The following NOS1AP variants were observed in gnomAD, a reference collection of about 807,000 sequenced individuals.
The protein encoded by NOS1AP is nitric oxide synthase 1 adaptor protein.
A neutral mutation model predicts 56.2 loss-of-function variants in NOS1AP; 21 were observed. That is an observed-to-expected ratio of 0.37 (90% CI 0.26 to 0.54). NOS1AP has a LOEUF of 0.54. Ranked by LOEUF, NOS1AP falls within the 20% of genes least tolerant of loss-of-function variation. NOS1AP has a pLI of 0.84. For missense variants in NOS1AP, 522 were observed against 657.8 expected (o/e 0.79, Z 2.26); for synonymous variants, 270 against 274.6 (o/e 0.98, Z 0.17).
chr1:162,349,599 A>G (rs1295610987), intron 6 of NOS1AP, among the ~76,000 whole-genome samples: 1 of 152,196 alleles, frequency 6.6e-6, no homozygotes, highest in Admixed American at 6.5e-5. Context: ...TTGTGAGAGA[A>G]TGTATGTAAA....
chr1:162,342,435 G>T (rs1657137982), intron 5 of NOS1AP: 3 of 444,720 alleles, frequency 6.7e-6, no homozygotes. Flanking sequence ...AAGGAACATA[G>T]AAATGACTCC....
chr1:162,138,962 C>A (rs568294194), intron 1 of NOS1AP, among the ~76,000 whole-genome samples: 1 of 152,272 alleles, frequency 6.6e-6, no homozygotes, highest in South Asian at 2.1e-4. Context: ...GGTTGGTCAA[C>A]CTAACTATAC....
chr1:162,238,338 A>C (rs1653373259), intron 2 of NOS1AP, among the ~76,000 whole-genome samples: 1 of 152,118 alleles, frequency 6.6e-6, no homozygotes, highest in Non-Finnish European at 1.5e-5. Context: ...ATTAAGCATC[A>C]GCCCTGGTTG....
At position 162,094,830 on chromosome 1, in the gene NOS1AP, G is replaced by A. The variant is rs190533196; in HGVS notation, c.105+24548G>A. On this transcript the variant is annotated intron_variant, in intron 1 of 9. Transcript: ENST00000361897. ...AGTTGTTGAAGAGTGGGTGAGGGTG[G>A]AAACCAGGTATCGCTGTCCATTCCA... Among the ~76,000 whole-genome samples, 233 of 152,272 alleles carry A rather than the reference G, an allele frequency of 1.5e-3. 1 individual carries two copies. Among genetic ancestry groups the A allele is most frequent in the Non-Finnish European group, 2.5e-3 (173 of 68,004 alleles).
intron 1 of NOS1AP, among the ~76,000 whole-genome samples, chr1:162,137,306 C>T (rs183860226): frequency 6.6e-6 from 1 of 152,324 alleles, no homozygotes; most frequent in Non-Finnish European, 1.5e-5. Flanking sequence ...ACTCCTGCCA[C>T]CCTGTGAGCC....
intron 3 of NOS1AP, 134 bp downstream of exon 3, chr1:162,287,570 A>G (rs1426051216): frequency 1.4e-5 from 10 of 734,230 alleles, no homozygotes; most frequent in Non-Finnish European, 2.0e-5. Flanking sequence ...TTTGAGCAGC[A>G]ATGGTGCTGA....
chr1:162,189,175 C>T (rs983888461), intron 2 of NOS1AP, among the ~76,000 whole-genome samples: 1 of 152,148 alleles, frequency 6.6e-6, no homozygotes, highest in Non-Finnish European at 1.5e-5. Flanking sequence ...TTTTACCTTA[C>T]AATAGGAGGT....
At chr1:162,215,349 G>A (rs1652534179) in intron 2 of NOS1AP, among the ~76,000 whole-genome samples, 1 of 152,208 alleles carries the variant, frequency 6.6e-6, no homozygotes, top group Admixed American at 6.5e-5. Context: ...TTGCTGGGTG[G>A]GCCACACTGG....
At chr1:162,175,955 T>C (rs1457511536) in intron 2 of NOS1AP, among the ~76,000 whole-genome samples, 2 of 152,166 alleles carry the variant, frequency 1.3e-5, no homozygotes, top group African/African-American at 2.4e-5. Flanking sequence ...CATACCCCCA[T>C]TGGAAACAAT....
At chr1:162,304,236 G>C (rs1438228390) in intron 4 of NOS1AP, among the ~76,000 whole-genome samples, 1 of 151,676 alleles carries the variant, frequency 6.6e-6, no homozygotes, top group Non-Finnish European at 1.5e-5. Context: ...TCTGCAAATG[G>C]ATGTCCAGTT....
At chr1:162,163,210 G>A (rs1425834485) in intron 2 of NOS1AP, among the ~76,000 whole-genome samples, 1 of 152,106 alleles carries the variant, frequency 6.6e-6, no homozygotes, top group African/African-American at 2.4e-5. Flanking sequence ...TAAACACGGG[G>A]TGTTTGCCAA....
At chr1:162,353,798 T>C (rs1315653146) in intron 6 of NOS1AP, among the ~76,000 whole-genome samples, 1 of 152,180 alleles carries the variant, frequency 6.6e-6, no homozygotes, top group Non-Finnish European at 1.5e-5. Context: ...ACCACCCACC[T>C]ACCGACCCTC....
At chr1:162,285,780 G>C (rs1655070669) in intron 2 of NOS1AP, among the ~76,000 whole-genome samples, 1 of 152,136 alleles carries the variant, frequency 6.6e-6, no homozygotes, top group South Asian at 2.1e-4. Flanking sequence ...AGGGCCCCTT[G>C]GTAAAAGAAG....
intron 1 of NOS1AP, among the ~76,000 whole-genome samples, chr1:162,092,761 T>C (rs916053403): frequency 1.3e-5 from 2 of 152,230 alleles, no homozygotes; most frequent in African/African-American, 4.8e-5. Flanking sequence ...CCACAGATCC[T>C]GAGAAGAAGA....
Position 162,110,954 on chromosome 1 carries a change from T to C in NOS1AP, c.105+40672T>C, listed in dbSNP as rs562038567. Among the ~76,000 whole-genome samples the C allele has an allele frequency of 3.3e-5, 5 of 152,358 alleles. No homozygotes were observed. In the East Asian group the frequency reaches 9.6e-4, roughly 29 times the overall value. On this transcript the variant is annotated intron_variant, in intron 1 of 9. Transcript: ENST00000361897. ...CACTCACTGATGTCCATTCATTCAA[T>C]AGCAGATATTTATTGAGCATTTACT...
intron 2 of NOS1AP, among the ~76,000 whole-genome samples, chr1:162,191,361 G>C (rs546792845): frequency 6.6e-6 from 1 of 152,058 alleles, no homozygotes. Flanking sequence ...GTTCTTTCCT[G>C]GGGGGGATCT....
intron 1 of NOS1AP, among the ~76,000 whole-genome samples, chr1:162,078,203 G>T (rs1246923081): frequency 1.3e-5 from 2 of 152,076 alleles, no homozygotes; most frequent in Admixed American, 6.5e-5. Context: ...CTCTACTTCA[G>T]TCCAGACTCC....
At chr1:162,191,124 C>T (rs940288391) in intron 2 of NOS1AP, among the ~76,000 whole-genome samples, 1 of 152,166 alleles carries the variant, frequency 6.6e-6, no homozygotes, top group Non-Finnish European at 1.5e-5. Flanking sequence ...CACCCCATGG[C>T]TAGACTTGCC....
At chr1:162,278,732 G>T (rs986620216) in intron 2 of NOS1AP, among the ~76,000 whole-genome samples, 20 of 150,512 alleles carry the variant, frequency 1.3e-4, no homozygotes, top group Non-Finnish European at 2.4e-4. Context: ...TCATACTGTG[G>T]TAACAGTGTT....
Sources: gnomAD v4.1 joint callset for allele counts (sites outside exome capture counted in the v4.1 genomes callset) on GRCh38, gnomAD v4.1.1 for gene constraint, MANE v1.5 for transcripts, NCBI Gene and HGNC (gene_info 2026-07-23, HGNC 2026-07-21) for gene names.